COL24A1: variants seen among roughly 807,000 people sequenced by gnomAD.
COL24A1 encodes collagen type XXIV alpha 1 chain.
A neutral mutation model predicts 253.9 loss-of-function variants in COL24A1; 224 were observed. The ratio of observed to expected loss-of-function variants is 0.88; its 90% confidence interval spans 0.79 to 0.99. The LOEUF is 0.99. Among genes scored for constraint, COL24A1 ranks in the 50% least tolerant of loss-of-function variants. COL24A1 has a pLI of 0.00. For missense variants in COL24A1, 2,131 were observed against 2,068.5 expected, an observed-to-expected ratio of 1.03 and a Z score of -0.59; for synonymous variants, 685 against 673.7, an observed-to-expected ratio of 1.02 and a Z score of -0.26.
intron 19 of COL24A1, among the ~76,000 whole-genome samples, chr1:85,995,149 T>C (rs1694656002): frequency 3.1e-5 from 4 of 131,104 alleles, no homozygotes; most frequent in Non-Finnish European, 6.8e-5. Context: ...TTAGATAGTA[T>C]TTACAGTATT....
chr1:85,846,637 G>A (rs1179853703), intron 39 of COL24A1, among the ~76,000 whole-genome samples: 1 of 151,900 alleles, frequency 6.6e-6, no homozygotes, highest in East Asian at 1.9e-4. Flanking sequence ...TAGAAAAAAT[G>A]CAATACACAT....
rs188613663 is a variant in COL24A1, at chr1:85,984,224, G to C, written c.2364+3377C>G. 9.1e-4 allele frequency among the ~76,000 whole-genome samples: 138 copies of C among 151,882 alleles called. 3 individuals are homozygous for C. In the Middle Eastern group the frequency reaches 0.037, roughly 41 times the overall value. ...AAATTCCCAAACTGAAGAGAACTTT[G>C]AAAGTTCTCTGGTTCTTCACCTAGT... On this transcript the variant is annotated intron_variant, in intron 20 of 59. Coordinates refer to ENST00000370571, the MANE Select transcript of COL24A1 (RefSeq NM_152890.7).
At chr1:85,739,280 T>C (rs1290053978) in intron 57 of COL24A1, among the ~76,000 whole-genome samples, 1 of 152,224 alleles carries the variant, frequency 6.6e-6, no homozygotes, top group African/African-American at 2.4e-5. Flanking sequence ...AGGTTTTCCA[T>C]CAAGCAAATT....
In COL24A1 at chr1:86,125,195, C is replaced by T. The variant is rs763869154; in HGVS notation, c.1141G>A (p.Asp381Asn). Residue 381 changes from aspartate (D) to asparagine (N), a missense_variant, in exon 3 of 60, where the codon GAT becomes AAT. By Grantham distance (23) the Asp-to-Asn change is conservative. Coordinates refer to ENST00000370571, the MANE Select transcript of COL24A1 (RefSeq NM_152890.7). ...LNMSDNITQH[D>N]DRVTGLSLFK... ...AGTGACAGACCAGTTACTCTATCATCATGTTGTGTGATATTGTCAGACATG... is the reference window on the plus strand; with the variant it reads ...AGTGACAGACCAGTTACTCTATCATTATGTTGTGTGATATTGTCAGACATG... The T allele has an allele frequency of 6.2e-6, 10 of 1,613,460 alleles. No individual in the cohort carries two copies. The highest frequency in any genetic ancestry group is 8.5e-6 in the Non-Finnish European group (10 of 1,179,682).
At chr1:85,956,793 G>A (rs984323588) in intron 24 of COL24A1, among the ~76,000 whole-genome samples, 1 of 152,170 alleles carries the variant, frequency 6.6e-6, no homozygotes, top group Non-Finnish European at 1.5e-5. Context: ...ACAGGTAAAA[G>A]GCTTGCTTGA....
At chr1:86,111,045 A>T (rs1705531984) in intron 5 of COL24A1, among the ~76,000 whole-genome samples, 1 of 152,198 alleles carries the variant, frequency 6.6e-6, no homozygotes, top group South Asian at 2.1e-4. Flanking sequence ...CTTTATGTCT[A>T]GCTGAAGGAT....
At position 86,147,553 on chromosome 1, in the gene COL24A1, A is replaced by T. The variant is rs574458191; in HGVS notation, c.57-1370T>A. ...CCTATGAAACATTCTTATATATGGC[A>T]TTATTCATGTAGATGGATGGTTCCC... On this transcript the variant is annotated intron_variant, in intron 1 of 59. Transcript: ENST00000370571. 2.0e-5 allele frequency among the ~76,000 whole-genome samples: 3 copies of T among 152,342 alleles called. No homozygotes were observed. In the East Asian group the frequency reaches 5.8e-4, roughly 29 times the overall value.
chr1:85,784,084 GAAGACTAGA>G lies in COL24A1; in HGVS notation c.4221+20_4221+28del. 6.4e-7 allele frequency: 1 copy of G among 1,560,754 alleles called. No individual in the cohort carries two copies. Among genetic ancestry groups the G allele is most frequent in the Non-Finnish European group, 8.8e-7 (1 of 1,142,318 alleles). Reference sequence around the variant, plus strand: ...CAGCTCTTTTATTTCTAGATAGCTAGAAGACTAGAAGAAAGTATGTAAACATACTTTAGG... The same window carrying G: ...CAGCTCTTTTATTTCTAGATAGCTAGAGAAAGTATGTAAACATACTTTAGG... On this transcript the variant is annotated intron_variant, in intron 50 of 59. Transcript: ENST00000370571.
At chr1:86,128,613 TATC>T (rs1648684390) in intron 2 of COL24A1, among the ~76,000 whole-genome samples, 1 of 151,954 alleles carries the variant, frequency 6.6e-6, no homozygotes, top group African/African-American at 2.4e-5. Flanking sequence ...TATACAGAAA[TATC>T]ATTGGGAGGA....
chr1:85,760,436 G>T (rs1480196519), intron 55 of COL24A1, among the ~76,000 whole-genome samples: 1 of 152,154 alleles, frequency 6.6e-6, no homozygotes, highest in Non-Finnish European at 1.5e-5. Flanking sequence ...TAAAATCACA[G>T]ATAAATGGGT....
intron 22 of COL24A1, among the ~76,000 whole-genome samples, chr1:85,969,604 C>CAAAAAAAAAAAA (rs61128567): frequency 7.3e-5 from 2 of 27,476 alleles, no homozygotes; most frequent in African/African-American, 1.5e-4. Flanking sequence ...GACTCTGTCT[C>CAAAAAAAAAAAA]AAAAAAAAAA....
At chr1:85,935,332 T>C (rs1688170547) in intron 24 of COL24A1, among the ~76,000 whole-genome samples, 1 of 147,602 alleles carries the variant, frequency 6.8e-6, no homozygotes, top group African/African-American at 2.5e-5. Flanking sequence ...AAGTGAACTG[T>C]CAATAGGAGA....
intron 5 of COL24A1, among the ~76,000 whole-genome samples, chr1:86,105,772 G>C (rs1704924539): frequency 6.6e-6 from 1 of 152,190 alleles, no homozygotes; most frequent in Non-Finnish European, 1.5e-5. Context: ...GGTGGTTGAG[G>C]GGTCTCCTCC....
At chr1:86,051,109 G>T (rs1700265144) in intron 10 of COL24A1, among the ~76,000 whole-genome samples, 1 of 152,052 alleles carries the variant, frequency 6.6e-6, no homozygotes, top group South Asian at 2.1e-4. Flanking sequence ...ACTGAATATA[G>T]GCCAACCTGT....
chr1:85,962,995 A>G (rs1691215480), intron 23 of COL24A1, among the ~76,000 whole-genome samples: 1 of 152,164 alleles, frequency 6.6e-6, no homozygotes, highest in African/African-American at 2.4e-5. Flanking sequence ...AATAATTTCA[A>G]TATTGATTAC....
rs200769284 is a variant in COL24A1 at position 86,139,656 on chromosome 1, A to G, written c.121+6463T>C. On this transcript the variant is annotated intron_variant, in intron 2 of 59. Transcript: ENST00000370571. ...TTAACTATTAAATAACTAAATTAAT[A>G]TAACATAGCACTTAAATTTAATGAA... Among the ~76,000 whole-genome samples the G allele has an allele frequency of 2.4e-4, 37 of 152,318 alleles. No homozygotes were observed. The East Asian group carries it at 3.3e-3, about 13-fold the overall frequency.
intron 19 of COL24A1, 78 bp downstream of exon 19, chr1:86,017,073 G>T: frequency 1.5e-6 from 2 of 1,298,514 alleles, no homozygotes; most frequent in Non-Finnish European, 2.2e-6. Flanking sequence ...AGCTTGCTAT[G>T]TTGAAACATG....
intron 26 of COL24A1, among the ~76,000 whole-genome samples, chr1:85,908,995 A>G (rs865800660): frequency 3.3e-5 from 5 of 151,746 alleles, no homozygotes; most frequent in Non-Finnish European, 5.9e-5. Flanking sequence ...ATCCATGGAT[A>G]TATGTTGTGT....
intron 42 of COL24A1, among the ~76,000 whole-genome samples, chr1:85,839,756 A>T (rs569451915): frequency 5.9e-5 from 9 of 152,262 alleles, no homozygotes; most frequent in Admixed American, 1.3e-4. Context: ...TTTTCAAGAC[A>T]TAAATTAACC....
Sources: allele counts gnomAD v4.1 joint callset (sites outside exome capture counted in the v4.1 genomes callset), GRCh38; gene constraint gnomAD v4.1.1; transcripts MANE v1.5; gene names NCBI Gene and HGNC (gene_info 2026-07-23, HGNC 2026-07-21).